Variants in VCPIP1 observed in about 807,000 individuals in gnomAD.
VCPIP1 encodes valosin containing protein interacting protein 1, also known as deubiquitinating protein VCPIP1.
In VCPIP1, 8 loss-of-function variants were observed where a neutral mutation model predicts 85.0. The ratio of observed to expected loss-of-function variants is 0.09; its 90% CI spans 0.06 to 0.17. VCPIP1 has a LOEUF of 0.17. Ranked by LOEUF, VCPIP1 falls within the 10% of genes least tolerant of loss-of-function variation. The pLI, the probability that VCPIP1 is intolerant of heterozygous loss-of-function variation, is 1.00. For missense variants in VCPIP1, 1,070 were observed against 1,486.3 expected (o/e 0.72, Z 4.61); for synonymous variants, 543 against 544.5 (o/e 1.00, Z 0.04).
At chr8:66,641,003 A>G (rs1258781118) in intron 2 of VCPIP1, among the ~76,000 whole-genome samples, 1 of 152,222 alleles carries the variant, frequency 6.6e-6, no homozygotes, top group Non-Finnish European at 1.5e-5. Context: ...AAAAGGGCAC[A>G]CTGTTAACAC....
chr8:66,634,936 A>G lies in VCPIP1; in HGVS notation c.3234T>C (p.Asn1078=). ...EPSVFTASSS[N]SELIRIAPGV... ...CAGGAGCTATTCGAATAAGCTCACT[A>G]TTACTAGAAGAAGCTGTGAATACAG... The change falls in exon 3 of 3, where the codon AAT becomes AAC. Residue 1078 remains asparagine (N), a synonymous_variant. Transcript: ENST00000310421. The G allele has an allele frequency of 6.2e-7, 1 of 1,613,618 alleles. No homozygotes were observed. The highest frequency in any genetic ancestry group is 8.5e-7 in the Non-Finnish European group (1 of 1,179,666).
Position 66,633,238 on chromosome 8 carries a change from C to G in VCPIP1, c.*1263G>C, listed in dbSNP as rs1054630582. On this transcript the variant is annotated 3_prime_UTR_variant, in exon 3 of 3. Transcript: ENST00000310421. ...CAGAGACAGCCAGGCTTTGAATGCT[C>G]TAGGTAAGAGATTGTATTAACATAT... is the stretch of plus-strand genomic sequence containing the variant. The G allele has an allele frequency of 6.6e-6, 1 of 152,520 alleles. No homozygotes were observed. Among genetic ancestry groups the G allele is most frequent in the Non-Finnish European group, 1.5e-5 (1 of 67,974 alleles). The allele number at this position is 152,520 out of a possible 1,614,324, so 9.4% of individuals were successfully genotyped here.
intron 1 of VCPIP1, among the ~76,000 whole-genome samples, chr8:66,654,348 T>C (rs1216502392): frequency 6.6e-6 from 1 of 152,200 alleles, no homozygotes; most frequent in Non-Finnish European, 1.5e-5. Context: ...TGGTGGCACA[T>C]GCCTGTTATC....
chr8:66,663,534 C>T (rs997151455), intron 1 of VCPIP1, among the ~76,000 whole-genome samples: 10 of 152,146 alleles, frequency 6.6e-5, no homozygotes, highest in African/African-American at 2.4e-4. Context: ...TCATCTAAAG[C>T]TTTAAATTAC....
In VCPIP1 at chr8:66,634,606, G is replaced by C; in HGVS notation, c.3564C>G (p.Ala1188=). 1 of 1,614,136 alleles carries C rather than the reference G, an allele frequency of 6.2e-7. No individual in the cohort carries two copies. The highest frequency in any genetic ancestry group is 8.5e-7 in the Non-Finnish European group (1 of 1,180,022). The change falls in exon 3 of 3, where the codon GCC becomes GCG. Residue 1188 remains alanine (A), a synonymous_variant. Transcript: ENST00000310421. ...TTCCCCTTTGTGCTTTTGACCTTGT[G>C]GCAAAGGCTGCTCCCAGTGCATCTG... is the stretch of plus-strand genomic sequence containing the variant. ...CVADALGAAF[A]TRSKAQRGNS... is the part of the protein sequence containing the mutation.
rs1248789586 is a variant in VCPIP1 at position 66,632,191 on chromosome 8, A to G, written c.*2310T>C. The G allele has an allele frequency of 2.0e-5, 3 of 152,104 alleles. No individual in the cohort carries two copies. The highest frequency in any genetic ancestry group is 7.2e-5 in the African/African-American group (3 of 41,444). The allele number at this position is 152,104 out of a possible 1,614,324, so 9.4% of individuals were successfully genotyped here. ...AGTCATGTATTTGGTTATGAAAACCATATGGAAAGACAAAGGATGATATTT... is the reference window on the plus strand; with the variant it reads ...AGTCATGTATTTGGTTATGAAAACCGTATGGAAAGACAAAGGATGATATTT... On this transcript the variant is annotated 3_prime_UTR_variant, in exon 3 of 3. Coordinates refer to ENST00000310421, the MANE Select transcript of VCPIP1 (RefSeq NM_025054.5).
Position 66,666,861 on chromosome 8 carries a change from G to A in VCPIP1, c.98C>T (p.Ser33Leu). The A allele has an allele frequency of 6.2e-7, 1 of 1,612,992 alleles. No individual in the cohort carries two copies. Among genetic ancestry groups the A allele is most frequent in the Middle Eastern group, 1.7e-4 (1 of 6,026 alleles). The change falls in exon 1 of 3, where the codon TCG (serine) becomes TTG (leucine). Residue 33 changes from serine (S) to leucine (L), a missense_variant. By Grantham distance (145) the Ser-to-Leu change is moderately radical (BLOSUM62 -2). Coordinates refer to ENST00000310421, the MANE Select transcript of VCPIP1 (RefSeq NM_025054.5). This position sits in a 1 kb window ranked among gnomAD's most constrained non-coding sequence, Gnocchi z 6.3. ...TPSSLASAAA[S>L]GGLLKRRDRR... ...GTCTCTCCGCTTCAAAAGCCCCCCC[G>A]AAGCAGCCGCCGACGCCAAGGACGA...
At chr8:66,645,063 C>T (rs1810981164) in intron 2 of VCPIP1, among the ~76,000 whole-genome samples, 1 of 147,820 alleles carries the variant, frequency 6.8e-6, no homozygotes, top group Non-Finnish European at 1.5e-5. Flanking sequence ...TTGCAGTGGG[C>T]TAAGATTGCG....
At position 66,635,226 on chromosome 8, in the gene VCPIP1, C is replaced by T. The variant is rs761025861; in HGVS notation, c.2944G>A (p.Ala982Thr). Reference protein sequence around the residue: ...GPDVEDLVKEAVSQVRAEATT... With the variant: ...GPDVEDLVKETVSQVRAEATT... ...GCCTCTGCTCGAACCTGACTTACAG[C>T]CTCTTTAACTAAATCTTCAACATCA... Residue 982 changes from alanine to threonine, a missense_variant, in exon 3 of 3, where the codon GCT becomes ACT. Around this residue, in one of 8 missense-constraint regions of VCPIP1, gnomAD observed 255 missense variants for 289.5 expected, o/e 0.88. Coordinates refer to ENST00000310421, the MANE Select transcript of VCPIP1 (RefSeq NM_025054.5). The T allele has an allele frequency of 2.5e-6, 4 of 1,614,068 alleles. No homozygotes were observed. The highest frequency in any genetic ancestry group is 2.2e-5 in the East Asian group (1 of 44,898).
intron 1 of VCPIP1, among the ~76,000 whole-genome samples, chr8:66,661,765 A>ATT (rs113453783): frequency 1.5e-4 from 21 of 135,944 alleles, no homozygotes; most frequent in South Asian, 2.4e-4. Context: ...TACCGATCAG[A>ATT]TTTTTTTTTT....
intron 1 of VCPIP1, among the ~76,000 whole-genome samples, chr8:66,657,567 A>C (rs997782968): frequency 7.2e-5 from 11 of 152,350 alleles, no homozygotes; most frequent in African/African-American, 2.6e-4. Flanking sequence ...GTATATAGTC[A>C]CACAACTTTA....
At chr8:66,656,583 A>T (rs1425519472) in intron 1 of VCPIP1, among the ~76,000 whole-genome samples, 1 of 152,162 alleles carries the variant, frequency 6.6e-6, no homozygotes, top group Non-Finnish European at 1.5e-5. Context: ...TAATACCTAT[A>T]TGAAATGTAT....
chr8:66,652,243 A>G (rs1022606458), intron 1 of VCPIP1, among the ~76,000 whole-genome samples: 5 of 152,232 alleles, frequency 3.3e-5, no homozygotes, highest in Non-Finnish European at 5.9e-5. Flanking sequence ...TGAACAAAAT[A>G]TATCTGAAGA....
Position 66,665,767 on chromosome 8 carries a change from C to T in VCPIP1, c.1192G>A (p.Val398Ile). The change falls in exon 1 of 3, where the codon GTT becomes ATT. Residue 398 changes from valine to isoleucine, a missense_variant. This residue lies in a region of VCPIP1 where 83 missense variants were observed against 134.6 expected (regional missense o/e 0.62). Coordinates refer to ENST00000310421, the MANE Select transcript of VCPIP1 (RefSeq NM_025054.5). The surrounding 1 kb of genome is among the most constrained non-coding windows in gnomAD (Gnocchi z 4.3). ...TGCAAACTTCTGTCACCTCCAATAACACAACCACCATCCTCTTCAAGTTTT... is the reference window on the plus strand; with the variant it reads ...TGCAAACTTCTGTCACCTCCAATAATACAACCACCATCCTCTTCAAGTTTT... ...YIKLEEDGGCVIGGDRSLQDK... is the reference protein window; with the variant it reads ...YIKLEEDGGCIIGGDRSLQDK... 8 of 1,614,172 alleles carry T rather than the reference C, an allele frequency of 5.0e-6. No homozygotes were observed. The highest frequency in any genetic ancestry group is 6.8e-6 in the Non-Finnish European group (8 of 1,180,038).
At chr8:66,638,044 T>A (rs1810906460) in intron 2 of VCPIP1, among the ~76,000 whole-genome samples, 1 of 152,250 alleles carries the variant, frequency 6.6e-6, no homozygotes, top group Non-Finnish European at 1.5e-5. Flanking sequence ...GTTACATTAT[T>A]CTTTACATTA....
intron 1 of VCPIP1, chr8:66,653,517 T>C (rs1811072421): frequency 6.6e-6 from 1 of 152,184 alleles, no homozygotes; most frequent in Non-Finnish European, 1.5e-5. Context: ...TCAGTTACAG[T>C]TGGAACTGCT....
At position 66,634,930 on chromosome 8, in the gene VCPIP1, C is replaced by T. The variant is rs146674482; in HGVS notation, c.3240G>A (p.Glu1080=). 78 of 1,613,184 alleles carry T rather than the reference C, an allele frequency of 4.8e-5. No homozygotes were observed. The highest frequency in any genetic ancestry group is 3.1e-4 in the African/African-American group (23 of 74,864). Residue 1080 remains glutamate, a synonymous_variant, in exon 3 of 3, where the codon GAG becomes GAA. Transcript: ENST00000310421. ...SVFTASSSNS[E]LIRIAPGVVT... ...CTACTCCAGGAGCTATTCGAATAAGCTCACTATTACTAGAAGAAGCTGTGA... is the reference window on the plus strand; with the variant it reads ...CTACTCCAGGAGCTATTCGAATAAGTTCACTATTACTAGAAGAAGCTGTGA...
At position 66,666,880 on chromosome 8, in the gene VCPIP1, A is replaced by G; in HGVS notation, c.79T>C (p.Leu27=). 6.2e-7 allele frequency: 1 copy of G among 1,612,724 alleles called. No homozygotes were observed. The highest frequency in any genetic ancestry group is 1.1e-5 in the South Asian group (1 of 91,064). Reference sequence around the variant, plus strand: ...CCCCCCGAAGCAGCCGCCGACGCCAAGGACGACGGAGTCTGTGGAGCCTCA... The same window carrying G: ...CCCCCCGAAGCAGCCGCCGACGCCAGGGACGACGGAGTCTGTGGAGCCTCA... The part of the protein sequence containing the change: ...PPEAPQTPSS[L]ASAAASGGLL... The change falls in exon 1 of 3, where the codon TTG becomes CTG. Residue 27 remains leucine (L), a synonymous_variant. Transcript: ENST00000310421. This position sits in a 1 kb window ranked among gnomAD's most constrained non-coding sequence, Gnocchi z 6.3.
intron 2 of VCPIP1, among the ~76,000 whole-genome samples, chr8:66,640,300 A>G (rs539016734): frequency 2.0e-5 from 3 of 152,230 alleles, no homozygotes; most frequent in Admixed American, 6.5e-5. Flanking sequence ...GTACCAGATC[A>G]TTTGCTAACT....
Sources: gnomAD v4.1 joint callset for allele counts (sites outside exome capture counted in the v4.1 genomes callset) on GRCh38, gnomAD v4.1.1 for gene constraint, gnomAD v4.1.1 regional missense constraint, Gnocchi (gnomAD v3.1) non-coding constraint, MANE v1.5 for transcripts, NCBI Gene and HGNC (gene_info 2026-07-23, HGNC 2026-07-21) for gene names.